Variants in UCK2 observed in about 807,000 individuals in gnomAD.
UCK2 encodes the protein uridine-cytidine kinase 2, also known as cytidine monophosphokinase 2.
A neutral mutation model predicts 30.8 loss-of-function variants in UCK2; 6 were observed. The ratio of observed to expected loss-of-function variants is 0.19; its 90% CI spans 0.11 to 0.38. UCK2 has a LOEUF of 0.38. UCK2 is among the 10% of genes least tolerant of loss of function. UCK2 has a pLI of 1.00. For missense variants in UCK2, 210 were observed against 339.8 expected (o/e 0.62, Z 3.00); for synonymous variants, 125 against 133.6 (o/e 0.94, Z 0.45).
At chr1:165,902,946 T>C (rs914256929) in intron 4 of UCK2, 20 of 345,554 alleles carry the variant, frequency 5.8e-5, no homozygotes, top group Admixed American at 1.3e-4. Flanking sequence ...TGGACAGCCT[T>C]TTGTTTCAAA....
intron 1 of UCK2, among the ~76,000 whole-genome samples, chr1:165,830,851 TAGTG>T (rs774369135): frequency 1.3e-5 from 2 of 149,190 alleles, no homozygotes; most frequent in African/African-American, 2.5e-5. Context: ...CTGGGCAACA[TAGTG>T]AGACCCCATC....
intron 1 of UCK2, among the ~76,000 whole-genome samples, chr1:165,866,007 T>G (rs990264628): frequency 2.0e-5 from 3 of 152,000 alleles, no homozygotes; most frequent in African/African-American, 7.2e-5. Flanking sequence ...TGCCTAAAAC[T>G]GAGTGGTGGG....
intron 1 of UCK2, among the ~76,000 whole-genome samples, chr1:165,844,548 A>T (rs905783484): frequency 6.6e-6 from 1 of 152,198 alleles, no homozygotes; most frequent in Non-Finnish European, 1.5e-5. Flanking sequence ...TGATAGGAGC[A>T]TCTTTTGTTC....
intron 1 of UCK2, among the ~76,000 whole-genome samples, chr1:165,865,803 G>A (rs868574939): frequency 6.6e-6 from 1 of 152,166 alleles, no homozygotes; most frequent in African/African-American, 2.4e-5. Context: ...AACCACAGTC[G>A]TAACGACCAA....
At chr1:165,859,036 C>T (rs950979622) in intron 1 of UCK2, among the ~76,000 whole-genome samples, 1 of 152,116 alleles carries the variant, frequency 6.6e-6, no homozygotes, top group Non-Finnish European at 1.5e-5. Flanking sequence ...TGTTGAATAA[C>T]CGTGTGTTTT....
At chr1:165,903,149 G>T (rs371822569) in intron 4 of UCK2, 33 bp from the exon 5 acceptor site, 2 of 1,592,450 alleles carry the variant, frequency 1.3e-6, no homozygotes, top group Middle Eastern at 1.7e-4. Context: ...CTCCTACACC[G>T]TTTTTTGATT....
At chr1:165,849,981 G>T (rs1044136102) in intron 1 of UCK2, among the ~76,000 whole-genome samples, 1 of 152,134 alleles carries the variant, frequency 6.6e-6, no homozygotes, top group Non-Finnish European at 1.5e-5. Flanking sequence ...GGATTAACAG[G>T]TAAGAGTTTG....
chr1:165,846,511 C>G (rs1475808726), intron 1 of UCK2, among the ~76,000 whole-genome samples: 1 of 152,122 alleles, frequency 6.6e-6, no homozygotes, highest in Admixed American at 6.5e-5. Context: ...TTCTGTTTCT[C>G]TCTGGTGGTA....
chr1:165,906,727 G>T (rs372310887), intron 6 of UCK2, among the ~76,000 whole-genome samples: 3 of 152,190 alleles, frequency 2.0e-5, no homozygotes, highest in African/African-American at 7.2e-5. Flanking sequence ...TGGACTAGGC[G>T]TAGTGTGGCA....
chr1:165,842,501 T>C (rs1347671043), intron 1 of UCK2, among the ~76,000 whole-genome samples: 1 of 152,184 alleles, frequency 6.6e-6, no homozygotes, highest in Non-Finnish European at 1.5e-5. Flanking sequence ...ACAGAAACCT[T>C]ACAGTCATCT....
chr1:165,844,467 C>A (rs1042775886), intron 1 of UCK2, among the ~76,000 whole-genome samples: 4 of 152,208 alleles, frequency 2.6e-5, no homozygotes, highest in African/African-American at 9.7e-5. Flanking sequence ...GTTCCTGACA[C>A]AGAGCACCCT....
intron 1 of UCK2, among the ~76,000 whole-genome samples, chr1:165,835,290 CT>C (rs1211444756): frequency 1.4e-5 from 2 of 146,650 alleles, no homozygotes; most frequent in African/African-American, 5.5e-5. Context: ...CTGGAGAATT[CT>C]TCATCCCATT....
At position 165,864,845 on chromosome 1, in the gene UCK2, A is replaced by G. The variant is rs190771936; in HGVS notation, c.100-25359A>G. On this transcript the variant is annotated intron_variant, in intron 1 of 6. Transcript: ENST00000367879. Reference sequence around the variant, plus strand: ...CAGGGGTGAGCCACCATGCCTGGCTAATTTTTATTTTTTCTACTTTTTGTA... The same window carrying G: ...CAGGGGTGAGCCACCATGCCTGGCTGATTTTTATTTTTTCTACTTTTTGTA... 5.3e-5 allele frequency among the ~76,000 whole-genome samples: 8 copies of G among 152,066 alleles called. No individual in the cohort carries two copies. The East Asian group carries it at 1.5e-3, about 29-fold the overall frequency.
intron 1 of UCK2, among the ~76,000 whole-genome samples, chr1:165,852,314 C>T (rs1466706295): frequency 6.6e-6 from 1 of 152,176 alleles, no homozygotes; most frequent in Non-Finnish European, 1.5e-5. Context: ...TTTTTGCAAT[C>T]TACCCATCTG....
In UCK2 at chr1:165,896,335, G is replaced by A. The variant is rs1647259968; in HGVS notation, c.499+3G>A. 1.2e-6 allele frequency: 2 copies of A among 1,613,818 alleles called. No homozygotes were observed. Among genetic ancestry groups the A allele is most frequent in the African/African-American group, 2.7e-5 (2 of 74,934 alleles). On this transcript the variant is annotated splice_donor_region_variant and intron_variant, in intron 4 of 6. Transcript: ENST00000367879. ...GGACACCCGGCTCTCACGCAGAGGT[G>A]CGTTCTAAAAGCCTCAGGTGGCCCT... is the stretch of plus-strand genomic sequence containing the variant.
intron 1 of UCK2, among the ~76,000 whole-genome samples, chr1:165,889,209 G>A (rs1389194645): frequency 6.6e-6 from 1 of 152,222 alleles, no homozygotes; most frequent in Admixed American, 6.5e-5. Flanking sequence ...CTGGTTTACT[G>A]TAGATGTGAA....
At chr1:165,889,875 T>C (rs908648569) in intron 1 of UCK2, among the ~76,000 whole-genome samples, 13 of 152,066 alleles carry the variant, frequency 8.5e-5, no homozygotes, top group African/African-American at 3.1e-4. Context: ...CCAGTGTGTG[T>C]TGTTCCCCTC....
At chr1:165,879,332 A>G (rs1305634153) in intron 1 of UCK2, among the ~76,000 whole-genome samples, 11 of 151,952 alleles carry the variant, frequency 7.2e-5, no homozygotes, top group Non-Finnish European at 1.6e-4. Context: ...CTTGAGGTTC[A>G]TTTTTTTGGT....
chr1:165,891,453 C>T (rs1655766355), intron 3 of UCK2, 131 bp downstream of exon 3: 1 of 788,098 alleles, frequency 1.3e-6, no homozygotes, highest in Non-Finnish European at 2.1e-6. Context: ...GCCATTCCAG[C>T]TGGTCAGTGG....
Sources: allele counts gnomAD v4.1 joint callset (sites outside exome capture counted in the v4.1 genomes callset), GRCh38; gene constraint gnomAD v4.1.1; transcripts MANE v1.5; gene names NCBI Gene and HGNC (gene_info 2026-07-23, HGNC 2026-07-21).